MYO5A: variants seen among roughly 807,000 people sequenced by gnomAD.
MYO5A encodes myosin VA.
In MYO5A, 98 loss-of-function variants were observed where a neutral mutation model predicts 249.7. The ratio of observed to expected loss-of-function variants is 0.39; its 90% CI spans 0.33 to 0.46. MYO5A has a LOEUF of 0.46. MYO5A is among the 20% of genes least tolerant of loss of function. The probability of loss-of-function intolerance (pLI) is 0.98; values close to 1 mark genes in which losing one functional copy is unlikely to be tolerated. For missense variants in MYO5A, 1,696 were observed against 2,308.8 expected (o/e 0.73, Z 5.44); for synonymous variants, 778 against 810.6 (o/e 0.96, Z 0.68).
In MYO5A at chr15:52,433,157, A is replaced by T. The variant is rs746948578; in HGVS notation, c.138+18T>A. ...CTTCACTTTATGCCAATGACAACAAATGAAAGTGAGATCTCACCTTTCCTT... is the reference window on the plus strand; with the variant it reads ...CTTCACTTTATGCCAATGACAACAATTGAAAGTGAGATCTCACCTTTCCTT... On this transcript the variant is annotated intron_variant, in intron 2 of 41. Transcript: ENST00000399233. 6.5e-7 allele frequency: 1 copy of T among 1,528,910 alleles called. No individual in the cohort carries two copies. The highest frequency in any genetic ancestry group is 1.1e-5 in the South Asian group (1 of 89,284). The allele number at this position is 1,528,910 out of a possible 1,614,324, so 94.7% of individuals were successfully genotyped here.
At chr15:52,507,803 C>CAAAAAAAAAAAA (rs146846192) in intron 1 of MYO5A, among the ~76,000 whole-genome samples, 2,190 of 126,216 alleles carry the variant, frequency 0.017, 108 homozygotes, top group East Asian at 0.074. Context: ...GACCCTGTCC[C>CAAAAAAAAAAAA]CAAAAAAAAA....
chr15:52,523,394 T>G (rs190563509), intron 1 of MYO5A, among the ~76,000 whole-genome samples: 1 of 152,240 alleles, frequency 6.6e-6, no homozygotes, highest in African/African-American at 2.4e-5. Context: ...GGACTGATCA[T>G]GCCAAACCAT....
intron 1 of MYO5A, among the ~76,000 whole-genome samples, chr15:52,445,351 T>G: frequency 6.6e-6 from 1 of 152,106 alleles, no homozygotes; most frequent in Non-Finnish European, 1.5e-5. Flanking sequence ...GAGGCCTCCC[T>G]AGAAGCAGAT....
chr15:52,485,259 T>TAAAAAAA (rs72085613), intron 1 of MYO5A, among the ~76,000 whole-genome samples: 3 of 102,760 alleles, frequency 2.9e-5, no homozygotes, highest in African/African-American at 7.2e-5. Context: ...ATTCACTATG[T>TAAAAAAA]AAAAAAAAAA....
At chr15:52,401,630 G>C (rs181048532) in intron 9 of MYO5A, among the ~76,000 whole-genome samples, 5 of 152,200 alleles carry the variant, frequency 3.3e-5, no homozygotes, top group Admixed American at 3.3e-4. Flanking sequence ...CTTAGGAATA[G>C]ATTTCTTTTT....
intron 20 of MYO5A, 85 bp downstream of exon 20, chr15:52,375,219 T>C: frequency 7.2e-7 from 1 of 1,395,266 alleles, no homozygotes; most frequent in Non-Finnish European, 1.0e-6. Context: ...CTACCTTCAT[T>C]GTAGCCCCTG....
chr15:52,485,263 A>T (rs1251685230), intron 1 of MYO5A, among the ~76,000 whole-genome samples: 1 of 108,876 alleles, frequency 9.2e-6, no homozygotes. Context: ...ACTATGTAAA[A>T]AAAAAAAAAA....
chr15:52,504,402 T>C (rs1029859921), intron 1 of MYO5A, among the ~76,000 whole-genome samples: 1 of 152,196 alleles, frequency 6.6e-6, no homozygotes, highest in Non-Finnish European at 1.5e-5. Context: ...CTGGATTCTT[T>C]GGCATTAATA....
At chr15:52,473,362 G>A (rs925289562) in intron 1 of MYO5A, among the ~76,000 whole-genome samples, 1 of 152,168 alleles carries the variant, frequency 6.6e-6, no homozygotes. Context: ...CACTCTGATA[G>A]TAGTTTCTTT....
At chr15:52,391,567 T>G (rs1217698986) in intron 12 of MYO5A, among the ~76,000 whole-genome samples, 1 of 152,242 alleles carries the variant, frequency 6.6e-6, no homozygotes, top group Non-Finnish European at 1.5e-5. Flanking sequence ...GTTTTACAAT[T>G]ATAACTATTT....
rs374353910 is a variant in MYO5A, at chr15:52,346,945, A to T, written c.3859-484T>A. On this transcript the variant is annotated intron_variant, in intron 29 of 41. Transcript: ENST00000399233. Reference sequence around the variant, plus strand: ...AGTCTGACATAAAGTTCACTTTTTCATTAAAAACTCAGAAAAAGAAGGTAG... The same window carrying T: ...AGTCTGACATAAAGTTCACTTTTTCTTTAAAAACTCAGAAAAAGAAGGTAG... 2.6e-5 allele frequency among the ~76,000 whole-genome samples: 4 copies of T among 152,088 alleles called. No homozygotes were observed. The East Asian group carries it at 7.7e-4, about 29-fold the overall frequency.
intron 1 of MYO5A, among the ~76,000 whole-genome samples, chr15:52,463,458 A>T (rs2141422063): frequency 6.6e-6 from 1 of 152,242 alleles, no homozygotes; most frequent in Non-Finnish European, 1.5e-5. Context: ...TTACAACTAA[A>T]ATTGCTTTCT....
chr15:52,386,844 G>A (rs759271414), intron 14 of MYO5A, among the ~76,000 whole-genome samples: 2 of 151,954 alleles, frequency 1.3e-5, no homozygotes, highest in Non-Finnish European at 2.9e-5. Flanking sequence ...TACAACACCT[G>A]GTCTCGACTT....
intron 5 of MYO5A, among the ~76,000 whole-genome samples, chr15:52,414,879 C>T (rs2141249212): frequency 6.6e-6 from 1 of 152,302 alleles, no homozygotes; most frequent in Middle Eastern, 3.4e-3. Flanking sequence ...ATTTTCACTA[C>T]TCTCTTTCGG....
intron 13 of MYO5A, 82 bp downstream of exon 13, chr15:52,389,155 GA>G (rs1055696639): frequency 6.2e-5 from 87 of 1,411,704 alleles, no homozygotes; most frequent in East Asian, 1.5e-4. Context: ...ATCAGCAAAA[GA>G]AAAAAAAAGA....
At chr15:52,382,431 C>A (rs970420490) in intron 16 of MYO5A, among the ~76,000 whole-genome samples, 4 of 151,920 alleles carry the variant, frequency 2.6e-5, no homozygotes, top group Non-Finnish European at 5.9e-5. Context: ...ATTAGTTGGG[C>A]ATGATGGTGC....
chr15:52,441,485 A>G (rs905820202), intron 1 of MYO5A, among the ~76,000 whole-genome samples: 1 of 152,148 alleles, frequency 6.6e-6, no homozygotes, highest in Non-Finnish European at 1.5e-5. Flanking sequence ...GCTCCCCACC[A>G]ATTTTCACTT....
intron 34 of MYO5A, among the ~76,000 whole-genome samples, chr15:52,335,971 A>G (rs2039100501): frequency 2.0e-5 from 3 of 152,136 alleles, no homozygotes; most frequent in Admixed American, 6.5e-5. Context: ...AGTTCCTGCC[A>G]TTAAAAGTAA....
rs773876348 is a variant in MYO5A at position 52,368,380 on chromosome 15, G to A, written c.3067-1256C>T. Among the ~76,000 whole-genome samples, 86 of 152,192 alleles carry A rather than the reference G, an allele frequency of 5.7e-4. No homozygotes were observed. The Middle Eastern group carries it at 0.01, about 18-fold the overall frequency. On this transcript the variant is annotated intron_variant, in intron 22 of 41. Coordinates refer to ENST00000399233, the MANE Select transcript of MYO5A (RefSeq NM_001382347.1). ...AGGGGTGCACAACCAATCACCTATG[G>A]TACTTTTTCAAAATAATGTGCCTAG...
Sources: gnomAD v4.1 joint callset for allele counts (sites outside exome capture counted in the v4.1 genomes callset) on GRCh38, gnomAD v4.1.1 for gene constraint, MANE v1.5 for transcripts, NCBI Gene and HGNC (gene_info 2026-07-23, HGNC 2026-07-21) for gene names.